The following LPGAT1 variants were observed in gnomAD, a reference collection of about 807,000 sequenced individuals.
LPGAT1 encodes the protein lysophosphatidylglycerol acyltransferase 1.
A neutral mutation model predicts 47.5 loss-of-function variants in LPGAT1; 11 were observed. That is an observed-to-expected ratio of 0.23 (90% confidence interval 0.15 to 0.38). The LOEUF is 0.38. Among genes scored for constraint, LPGAT1 ranks in the 10% least tolerant of loss-of-function variants. The pLI, the probability that LPGAT1 is intolerant of heterozygous loss-of-function variation, is 1.00. For synonymous variants in LPGAT1, 138 were observed against 144.2 expected (o/e 0.96, Z 0.31); for missense variants, 293 against 439.0 (o/e 0.67, Z 2.97).
At chr1:211,792,974 T>C in intron 3 of LPGAT1, 98 bp downstream of exon 3, 1 of 737,480 alleles carries the variant, frequency 1.4e-6, no homozygotes, top group East Asian at 2.9e-5. Context: ...CCTCCCAAAG[T>C]GCTGGGATTA....
At chr1:211,773,215 C>T (rs550202357) in intron 6 of LPGAT1, among the ~76,000 whole-genome samples, 5 of 152,276 alleles carry the variant, frequency 3.3e-5, no homozygotes, top group South Asian at 2.1e-4. Flanking sequence ...TTTCCCATAT[C>T]GGTGTCAAAG....
chr1:211,803,437 T>G (rs1659647147), intron 2 of LPGAT1, among the ~76,000 whole-genome samples: 1 of 152,142 alleles, frequency 6.6e-6, no homozygotes. Context: ...TGGAGCAAGT[T>G]AGGCACTTCC....
Position 211,750,843 on chromosome 1 carries a change from A to G in LPGAT1, c.961+118T>C, listed in dbSNP as rs1657147602. 5.8e-6 allele frequency: 4 copies of G among 691,778 alleles called. No homozygotes were observed. The Admixed American group carries it at 8.3e-5, about 14-fold the overall frequency. The allele number at this position is 691,778 out of a possible 1,614,324, so 42.9% of individuals were successfully genotyped here. On this transcript the variant is annotated intron_variant, in intron 7 of 7. Transcript: ENST00000366997. ...ATTCATGAGGGGATTTGCTTCTCAC[A>G]GGCAATTTACAGAGTGCATTTTCAA...
At chr1:211,819,554 G>A (rs992467445) in intron 2 of LPGAT1, among the ~76,000 whole-genome samples, 13 of 152,098 alleles carry the variant, frequency 8.5e-5, no homozygotes, top group Non-Finnish European at 1.6e-4. Flanking sequence ...AAGTACCTGA[G>A]AACAAGGCTG....
rs1401663250 is a variant in LPGAT1, at chr1:211,749,488, T to C, written c.*411A>G. The C allele has an allele frequency of 6.2e-6, 1 of 160,238 alleles. No individual in the cohort carries two copies. The highest frequency in any genetic ancestry group is 2.4e-5 in the African/African-American group (1 of 41,524). The allele number at this position is 160,238 out of a possible 1,614,324, so 9.9% of individuals were successfully genotyped here. Reference sequence around the variant, plus strand: ...CAAGTTTACTGAGTTGGTGGAAATGTGGGCGTTCTAGAGAACTGCCCTAAT... The same window carrying C: ...CAAGTTTACTGAGTTGGTGGAAATGCGGGCGTTCTAGAGAACTGCCCTAAT... On this transcript the variant is annotated 3_prime_UTR_variant, in exon 8 of 8. Coordinates refer to ENST00000366997, the MANE Select transcript of LPGAT1 (RefSeq NM_014873.3).
At chr1:211,769,679 TAG>T (rs1291607040) in intron 6 of LPGAT1, among the ~76,000 whole-genome samples, 2 of 152,236 alleles carry the variant, frequency 1.3e-5, no homozygotes, top group Non-Finnish European at 2.9e-5. Context: ...CCTCCCCTTT[TAG>T]ACCATATAAG....
chr1:211,804,984 A>G (rs1280730970), intron 2 of LPGAT1, among the ~76,000 whole-genome samples: 2 of 152,338 alleles, frequency 1.3e-5, no homozygotes, highest in East Asian at 3.9e-4. Context: ...CAAGCCAGCC[A>G]TTGAATAAAT....
chr1:211,824,218 G>A (rs1275493665), intron 2 of LPGAT1, among the ~76,000 whole-genome samples: 1 of 152,096 alleles, frequency 6.6e-6, no homozygotes, highest in Non-Finnish European at 1.5e-5. Context: ...CCAACATGGT[G>A]AAACCTTGTC....
At chr1:211,822,449 C>T (rs556016949) in intron 2 of LPGAT1, among the ~76,000 whole-genome samples, 1 of 152,050 alleles carries the variant, frequency 6.6e-6, no homozygotes, top group African/African-American at 2.4e-5. Context: ...AAAATCAAAA[C>T]ACTACTGAAA....
rs1657015588 is a variant in LPGAT1 at position 211,748,094 on chromosome 1, T to G, written c.*1805A>C. ...CACATCTTTTCTGTTTTTTTTTGGT[T>G]TATTTAAAAATAGAAAACAGCAACC... On this transcript the variant is annotated 3_prime_UTR_variant, in exon 8 of 8. Coordinates refer to ENST00000366997, the MANE Select transcript of LPGAT1 (RefSeq NM_014873.3). 1 of 152,636 alleles carries G rather than the reference T, an allele frequency of 6.6e-6. No individual in the cohort carries two copies. Among genetic ancestry groups the G allele is most frequent in the Admixed American group, 6.5e-5 (1 of 15,284 alleles). The allele number at this position is 152,636 out of a possible 1,614,324, so 9.5% of individuals were successfully genotyped here. A position where few individuals can be genotyped will look rare whatever the true frequency, so the allele number is the denominator to read the frequency against.
chr1:211,806,846 G>A (rs1156621256), intron 2 of LPGAT1, among the ~76,000 whole-genome samples: 1 of 152,206 alleles, frequency 6.6e-6, no homozygotes, highest in African/African-American at 2.4e-5. Flanking sequence ...ATAGTATTTA[G>A]TAGTATTTAG....
intron 6 of LPGAT1, among the ~76,000 whole-genome samples, chr1:211,769,825 C>G (rs894400156): frequency 6.6e-6 from 1 of 152,150 alleles, no homozygotes; most frequent in Non-Finnish European, 1.5e-5. Context: ...TTTACTGCAG[C>G]CTGTTTTATC....
At chr1:211,766,792 C>T (rs891582226) in intron 6 of LPGAT1, among the ~76,000 whole-genome samples, 1 of 152,192 alleles carries the variant, frequency 6.6e-6, no homozygotes, top group African/African-American at 2.4e-5. Flanking sequence ...ATTGTGGTAT[C>T]TACTGAACGT....
At position 211,793,192 on chromosome 1, in the gene LPGAT1, T is replaced by C. The variant is rs2102555888; in HGVS notation, c.239-2A>G. ...TAATATCTTCTCCCCATTCCATCACTGTAAGAACAAAAAAGTTTCAAAGCT... is the reference window on the plus strand; with the variant it reads ...TAATATCTTCTCCCCATTCCATCACCGTAAGAACAAAAAAGTTTCAAAGCT... On this transcript the variant is annotated splice_acceptor_variant, in intron 2 of 7. Transcript: ENST00000366997. LOFTEE classifies it high-confidence loss of function. The C allele has an allele frequency of 1.3e-6, 2 of 1,591,296 alleles. No individual in the cohort carries two copies. Among genetic ancestry groups the C allele is most frequent in the Non-Finnish European group, 1.7e-6 (2 of 1,164,798 alleles).
intron 2 of LPGAT1, among the ~76,000 whole-genome samples, chr1:211,809,744 C>T (rs934714564): frequency 2.6e-5 from 4 of 152,146 alleles, no homozygotes; most frequent in African/African-American, 9.7e-5. Flanking sequence ...CACTTTCCAC[C>T]ATGATTGTGA....
intron 6 of LPGAT1, among the ~76,000 whole-genome samples, chr1:211,758,978 T>C (rs907348403): frequency 3.9e-5 from 6 of 152,230 alleles, no homozygotes; most frequent in Non-Finnish European, 7.3e-5. Context: ...TTTTCCCCTA[T>C]ATTTTGTTAA....
In LPGAT1 at chr1:211,749,848, T is replaced by G; in HGVS notation, c.*51A>C. The G allele has an allele frequency of 1.3e-6, 2 of 1,575,356 alleles. No homozygotes were observed. Among genetic ancestry groups the G allele is most frequent in the South Asian group, 1.2e-5 (1 of 86,422 alleles). On this transcript the variant is annotated 3_prime_UTR_variant, in exon 8 of 8. Transcript: ENST00000366997. Reference sequence around the variant, plus strand: ...GCACATGTAAAATAATGCACACTTATGAAAGAAAGTCTGAACTCCTACGGT... The same window carrying G: ...GCACATGTAAAATAATGCACACTTAGGAAAGAAAGTCTGAACTCCTACGGT...
Position 211,830,696 on chromosome 1 carries a change from G to C in LPGAT1, c.-151C>G. On this transcript the variant is annotated 5_prime_UTR_variant, in exon 1 of 8. Coordinates refer to ENST00000366997, the MANE Select transcript of LPGAT1 (RefSeq NM_014873.3). The surrounding 1 kb of genome is among the most constrained non-coding windows in gnomAD (Gnocchi z 5.9). ...CCCTGCCCCGCTCCGGCTGTGGCGC[G>C]GCCCGCGCCCGTTCCCCGGCGGCGC... 3 of 1,188,544 alleles carry C rather than the reference G, an allele frequency of 2.5e-6. No homozygotes were observed. Among genetic ancestry groups the C allele is most frequent in the Non-Finnish European group, 3.1e-6 (3 of 961,450 alleles). The allele number at this position is 1,188,544 out of a possible 1,614,324, so 73.6% of individuals were successfully genotyped here.
At chr1:211,750,238 C>A (rs1273796183) in intron 7 of LPGAT1, among the ~76,000 whole-genome samples, 188 bp from the exon 8 acceptor site, 7 of 152,176 alleles carry the variant, frequency 4.6e-5, no homozygotes, top group African/African-American at 1.7e-4. Flanking sequence ...TGCCTCTGAG[C>A]CTTTGCCTTT....
Sources: gnomAD v4.1 joint callset for allele counts (sites outside exome capture counted in the v4.1 genomes callset) on GRCh38, gnomAD v4.1.1 for gene constraint, Gnocchi (gnomAD v3.1) non-coding constraint, MANE v1.5 for transcripts, NCBI Gene and HGNC (gene_info 2026-07-23, HGNC 2026-07-21) for gene names.